The following KANK4 variants were observed in gnomAD, a reference collection of about 807,000 sequenced individuals.
The protein encoded by KANK4 is KN motif and ankyrin repeat domains 4, also known as KN motif and ankyrin repeat domain-containing protein 4.
A neutral mutation model predicts 80.8 loss-of-function variants in KANK4; 50 were observed. That is an observed-to-expected ratio of 0.62 (90% CI 0.49 to 0.78). The LOEUF is 0.78. Among genes scored for constraint, KANK4 ranks in the 30% least tolerant of loss-of-function variants. The pLI, the probability that KANK4 is intolerant of heterozygous loss-of-function variation, is 0.00. For synonymous variants in KANK4, 465 were observed against 506.9 expected (o/e 0.92, Z 1.11); for missense variants, 1,196 against 1,240.1 (o/e 0.96, Z 0.53).
At chr1:62,259,816 T>A (rs1011268044) in intron 7 of KANK4, among the ~76,000 whole-genome samples, 1 of 150,920 alleles carries the variant, frequency 6.6e-6, no homozygotes, top group Non-Finnish European at 1.5e-5. Context: ...AAATTTAAAT[T>A]ATATTTAGCA....
chr1:62,311,795 T>C (rs550344672), intron 1 of KANK4, among the ~76,000 whole-genome samples: 15 of 152,318 alleles, frequency 9.8e-5, no homozygotes, highest in African/African-American at 3.1e-4. Flanking sequence ...AATTTGTAAA[T>C]TGACCTCTAG....
chr1:62,258,420 G>A (rs1009599865), intron 7 of KANK4, among the ~76,000 whole-genome samples: 1 of 152,192 alleles, frequency 6.6e-6, no homozygotes, highest in Non-Finnish European at 1.5e-5. Flanking sequence ...CATCCATGAA[G>A]AACTGAAATC....
intron 4 of KANK4, among the ~76,000 whole-genome samples, chr1:62,269,201 TGTTGA>T (rs1251544310): frequency 3.9e-5 from 6 of 152,260 alleles, no homozygotes; most frequent in Non-Finnish European, 7.3e-5. Context: ...TAAGTGACTC[TGTTGA>T]GTTGGCAGAC....
chr1:62,241,464 C>T (rs1458685137), intron 9 of KANK4, among the ~76,000 whole-genome samples: 3 of 152,158 alleles, frequency 2.0e-5, no homozygotes, highest in Admixed American at 6.5e-5. Flanking sequence ...TTTTACCACT[C>T]GTTCTATGCT....
intron 5 of KANK4, among the ~76,000 whole-genome samples, chr1:62,267,777 G>A (rs555681931): frequency 6.7e-5 from 10 of 149,838 alleles, no homozygotes; most frequent in South Asian, 2.2e-4. Context: ...ACTCCAGCCC[G>A]GGTGACAGTG....
chr1:62,290,805 C>T (rs977631741), intron 1 of KANK4, among the ~76,000 whole-genome samples: 1 of 150,922 alleles, frequency 6.6e-6, no homozygotes, highest in East Asian at 1.9e-4. Flanking sequence ...AGTGCAGTGG[C>T]GCGATCTCGG....
intron 1 of KANK4, among the ~76,000 whole-genome samples, chr1:62,301,148 C>A (rs1644408497): frequency 2.6e-5 from 4 of 152,026 alleles, no homozygotes; most frequent in Admixed American, 1.3e-4. Context: ...ACACAGTAGG[C>A]TCCAGGTAAG....
intron 8 of KANK4, among the ~76,000 whole-genome samples, chr1:62,252,689 G>T (rs1671652337): frequency 6.6e-6 from 1 of 152,246 alleles, no homozygotes; most frequent in Non-Finnish European, 1.5e-5. Flanking sequence ...GCCTAGTTAG[G>T]TGCCTGTGGG....
intron 7 of KANK4, among the ~76,000 whole-genome samples, chr1:62,260,706 C>T (rs921028817): frequency 2.6e-5 from 4 of 152,192 alleles, no homozygotes; most frequent in African/African-American, 7.2e-5. Flanking sequence ...AGGCATCATC[C>T]TTCAGGGACC....
chr1:62,295,728 G>A (rs142498219), intron 1 of KANK4, among the ~76,000 whole-genome samples: 337 of 152,254 alleles, frequency 2.2e-3, no homozygotes, highest in Non-Finnish European at 2.8e-3. Context: ...CTCATGTACT[G>A]GTCCTCAGTG....
intron 2 of KANK4, among the ~76,000 whole-genome samples, chr1:62,276,493 C>T (rs1046288150): frequency 1.3e-5 from 2 of 152,002 alleles, no homozygotes; most frequent in Non-Finnish European, 2.9e-5. Flanking sequence ...ATTGTGAGGA[C>T]GGTCGGGTGC....
At chr1:62,275,522 C>T (rs1672288288) in intron 2 of KANK4, among the ~76,000 whole-genome samples, 1 of 152,146 alleles carries the variant, frequency 6.6e-6, no homozygotes, top group African/African-American at 2.4e-5. Context: ...ACACAAGTGG[C>T]TCAGCAGTAA....
intron 1 of KANK4, among the ~76,000 whole-genome samples, chr1:62,303,155 A>G (rs1446602767): frequency 2.0e-5 from 3 of 152,032 alleles, no homozygotes; most frequent in Non-Finnish European, 4.4e-5. Context: ...CAGTGAGGAT[A>G]CTGGGATGAG....
At chr1:62,238,426 C>T in intron 9 of KANK4, 45 bp from the exon 10 acceptor site, 1 of 1,562,208 alleles carries the variant, frequency 6.4e-7, no homozygotes, top group Non-Finnish European at 8.8e-7. Flanking sequence ...ATCCAATCTG[C>T]CTCCTGCCTG....
chr1:62,239,394 TG>T (rs1269958737), intron 9 of KANK4, among the ~76,000 whole-genome samples: 17 of 152,236 alleles, frequency 1.1e-4, no homozygotes, highest in Non-Finnish European at 2.2e-4. Context: ...TTGCTAATTA[TG>T]GAAATATTCC....
intron 3 of KANK4, 80 bp downstream of exon 3, chr1:62,273,124 T>C (rs1466991744): frequency 2.9e-6 from 3 of 1,030,384 alleles, no homozygotes; most frequent in Non-Finnish European, 4.1e-6. Context: ...TTAATATAAT[T>C]GAAAACCTTG....
intron 7 of KANK4, among the ~76,000 whole-genome samples, chr1:62,256,311 G>C (rs1056373694): frequency 6.6e-6 from 1 of 151,988 alleles, no homozygotes; most frequent in Admixed American, 6.6e-5. Flanking sequence ...ATGTCAATTA[G>C]TGCTATTTGC....
At chr1:62,305,073 CA>C (rs1205751767) in intron 1 of KANK4, among the ~76,000 whole-genome samples, 2 of 150,742 alleles carry the variant, frequency 1.3e-5, no homozygotes, top group Non-Finnish European at 1.5e-5. Context: ...AAGGAGGTGT[CA>C]CTTGCAAAGA....
intron 1 of KANK4, among the ~76,000 whole-genome samples, chr1:62,287,676 C>T (rs1571024544): frequency 6.6e-6 from 1 of 152,110 alleles, no homozygotes; most frequent in African/African-American, 2.4e-5. Flanking sequence ...AGCAGAGTGT[C>T]CTGGGGTAAA....
Sources: gnomAD v4.1 joint callset for allele counts (sites outside exome capture counted in the v4.1 genomes callset) on GRCh38, gnomAD v4.1.1 for gene constraint, MANE v1.5 for transcripts, NCBI Gene and HGNC (gene_info 2026-07-23, HGNC 2026-07-21) for gene names.